The following ARHGAP22 variants were observed in gnomAD, a reference collection of about 807,000 sequenced individuals.
ARHGAP22 encodes the protein rho GTPase-activating protein 22.
In ARHGAP22, 48 loss-of-function variants were observed where a neutral mutation model predicts 59.1. The observed-to-expected ratio is 0.81, with a 90% CI of 0.64 to 1.03. The LOEUF (loss-of-function observed/expected upper bound fraction) is 1.03, where lower values mean the gene tolerates loss of function less well. ARHGAP22 is among the 50% of genes least tolerant of loss of function. The probability of loss-of-function intolerance (pLI) is 0.00; values close to 1 mark genes in which losing one functional copy is unlikely to be tolerated. For missense variants in ARHGAP22, 1,015 were observed against 958.7 expected, an observed-to-expected ratio of 1.06 and a Z score of -0.78; for synonymous variants, 445 against 416.4, an observed-to-expected ratio of 1.07 and a Z score of -0.84.
chr10:48,435,049 G>A, the ARHGAP22 span: 7 of 1,463,302 alleles, frequency 4.8e-6, no homozygotes, highest in South Asian at 1.3e-5. Context: ...CCATCGGGGG[G>A]TGGGAGGGAT....
intron 3 of ARHGAP22, among the ~76,000 whole-genome samples, chr10:48,489,941 G>T (rs544037225): frequency 6.6e-6 from 1 of 152,218 alleles, no homozygotes; most frequent in Admixed American, 6.5e-5. Flanking sequence ...CACCGTGTTA[G>T]CCAGGATGGT....
chr10:48,457,981 C>T (rs1299666466), intron 5 of ARHGAP22, among the ~76,000 whole-genome samples: 1 of 6,272 alleles, frequency 1.6e-4, no homozygotes, highest in Admixed American at 2.7e-3. Context: ...GGGCCTCCCT[C>T]AGGGGTGGGT....
At chr10:48,450,145 G>C in intron 9 of ARHGAP22, 116 bp downstream of exon 9, 3 of 1,401,608 alleles carry the variant, frequency 2.1e-6, no homozygotes, top group Non-Finnish European at 2.9e-6. Context: ...CCTCTCTGAG[G>C]CTGGCTTCCA....
chr10:48,629,436 T>C (rs1565025459), intron 1 of ARHGAP22, among the ~76,000 whole-genome samples: 1 of 152,252 alleles, frequency 6.6e-6, no homozygotes, highest in Non-Finnish European at 1.5e-5. Flanking sequence ...AGGTCTACCA[T>C]CCATTTTGAG....
chr10:48,446,166 C>T lies in ARHGAP22; in HGVS notation c.*225G>A. The T allele has an allele frequency of 1.7e-6, 1 of 590,388 alleles. No individual in the cohort carries two copies. The highest frequency in any genetic ancestry group is 2.1e-5 in the South Asian group (1 of 46,726). 36.6% of individuals were successfully genotyped at this position (590,388 alleles called of 1,614,324 possible). A position where few individuals can be genotyped will look rare whatever the true frequency, so the allele number is the denominator to read the frequency against. ...GGCTAAGCGCTACTCTTGGTACCGTCCCCTTCTGACCCTCACCAGGAACTG... is the reference window on the plus strand; with the variant it reads ...GGCTAAGCGCTACTCTTGGTACCGTTCCCTTCTGACCCTCACCAGGAACTG... On this transcript the variant is annotated 3_prime_UTR_variant, in exon 10 of 10. Transcript: ENST00000249601.
chr10:48,607,442 G>T (rs776329715), upstream of ARHGAP22, among the ~76,000 whole-genome samples: 1 of 152,138 alleles, frequency 6.6e-6, no homozygotes, highest in Non-Finnish European at 1.5e-5. Context: ...TGTGCTCTCA[G>T]TACTTCCTGA....
At chr10:48,655,256 TGG>T (rs1230624457), upstream of ARHGAP22, among the ~76,000 whole-genome samples, 122 of 9,852 alleles carry the variant, frequency 0.012, no homozygotes, top group South Asian at 0.03. Context: ...TGTGTGTGTG[TGG>T]GGGGGGGGGG....
chr10:48,455,104 C>A lies in ARHGAP22; in HGVS notation c.690G>T (p.Leu230=). 3.7e-6 allele frequency: 6 copies of A among 1,611,826 alleles called. No homozygotes were observed. The highest frequency in any genetic ancestry group is 5.1e-6 in the Non-Finnish European group (6 of 1,179,284). Residue 230 remains leucine (L), a synonymous_variant, in exon 6 of 10, where the codon CTG becomes CTT. Coordinates refer to ENST00000249601, the MANE Select transcript of ARHGAP22 (RefSeq NM_021226.4). ...STTDVHTVAS[L]LKLYLRELPE... is the part of the protein sequence containing the mutation. ...GGAGCTCCCGCAGGTACAGCTTCAG[C>A]AGGGAGGCCACCGTGTGCACGTCTG...
chr10:48,557,984 C>T (rs886581880), intron 2 of ARHGAP22, among the ~76,000 whole-genome samples: 30 of 152,146 alleles, frequency 2.0e-4, no homozygotes, highest in Admixed American at 1.9e-3. Flanking sequence ...TTTGAACGTG[C>T]CTTGGAGTCA....
At chr10:48,614,767 T>C (rs1298880190) in intron 1 of ARHGAP22, among the ~76,000 whole-genome samples, 1 of 152,066 alleles carries the variant, frequency 6.6e-6, no homozygotes, top group Non-Finnish European at 1.5e-5. Context: ...TAAGCAAGAG[T>C]CTTGCAAATG....
chr10:48,587,557 G>A (rs1272944070), intron 1 of ARHGAP22, among the ~76,000 whole-genome samples: 1 of 152,154 alleles, frequency 6.6e-6, no homozygotes, highest in Non-Finnish European at 1.5e-5. Context: ...GGAGTCTCTG[G>A]AGCTGATGGG....
At chr10:48,579,176 C>T (rs11101388) in intron 2 of ARHGAP22, among the ~76,000 whole-genome samples, 46,788 of 151,272 alleles carry the variant, frequency 0.31, 8,065 homozygotes, top group East Asian at 0.74. Context: ...TTCCTTTGGT[C>T]TTAGGTTTCG....
At chr10:48,430,259 A>G in the ARHGAP22 span, 2 of 152,140 alleles carry the variant, frequency 1.3e-5, no homozygotes, top group African/African-American at 4.8e-5. Context: ...AAGCCCGGCT[A>G]ATTTTTGTGT....
At chr10:48,629,504 C>T (rs2061558803) in intron 1 of ARHGAP22, among the ~76,000 whole-genome samples, 1 of 152,226 alleles carries the variant, frequency 6.6e-6, no homozygotes, top group African/African-American at 2.4e-5. Flanking sequence ...CCTTGGCTCT[C>T]ATCAAAGGTC....
At chr10:48,599,873 T>A (rs1234090998) in intron 1 of ARHGAP22, among the ~76,000 whole-genome samples, 1 of 152,092 alleles carries the variant, frequency 6.6e-6, no homozygotes, top group Non-Finnish European at 1.5e-5. Flanking sequence ...TGGAGACAGG[T>A]GCTTGTGAGG....
chr10:48,592,789 A>G (rs2059842332), intron 1 of ARHGAP22, among the ~76,000 whole-genome samples: 1 of 152,124 alleles, frequency 6.6e-6, no homozygotes, highest in South Asian at 2.1e-4. Flanking sequence ...CAGCCAGTGG[A>G]TACCCCATCC....
At chr10:48,543,768 A>G (rs187906555) in intron 3 of ARHGAP22, among the ~76,000 whole-genome samples, 32 of 152,306 alleles carry the variant, frequency 2.1e-4, no homozygotes, top group Admixed American at 6.5e-4. Context: ...CAACACAACT[A>G]AAAAATTAAA....
At chr10:48,467,702 A>T (rs1202760216) in intron 4 of ARHGAP22, among the ~76,000 whole-genome samples, 1 of 152,238 alleles carries the variant, frequency 6.6e-6, no homozygotes, top group East Asian at 1.9e-4. Context: ...AAATAAATGC[A>T]TGCATATTGG....
intron 3 of ARHGAP22, among the ~76,000 whole-genome samples, chr10:48,500,261 T>G (rs2051366369): frequency 6.6e-6 from 1 of 152,054 alleles, no homozygotes; most frequent in Non-Finnish European, 1.5e-5. Flanking sequence ...GGAGGGTAAC[T>G]TGACCTCAGC....
Sources: allele counts gnomAD v4.1 joint callset (sites outside exome capture counted in the v4.1 genomes callset), GRCh38; gene constraint gnomAD v4.1.1; transcripts MANE v1.5; gene names NCBI Gene and HGNC (gene_info 2026-07-23, HGNC 2026-07-21).